Variants in STARD10 observed in about 807,000 individuals in gnomAD.
STARD10 encodes the protein START domain-containing protein 10.
In STARD10, 24 loss-of-function variants were observed where a neutral mutation model predicts 36.0. That is an observed-to-expected ratio of 0.67 (90% CI 0.48 to 0.94). The LOEUF (loss-of-function observed/expected upper bound fraction) is 0.94. Among genes scored for constraint, STARD10 ranks in the 40% least tolerant of loss-of-function variants. The pLI, the probability that STARD10 is intolerant of heterozygous loss-of-function variation, is 0.00. For synonymous variants in STARD10, 156 were observed against 161.9 expected (o/e 0.96, Z 0.28); for missense variants, 335 against 396.6 (o/e 0.84, Z 1.32).
At chr11:72,758,502 C>T (rs772628802) in intron 4 of STARD10, 28 bp downstream of exon 4, 1 of 1,568,674 alleles carries the variant, frequency 6.4e-7, no homozygotes, top group Non-Finnish European at 8.8e-7. Flanking sequence ...CTCCCCTGCT[C>T]CACCGCAGGG....
chr11:72,755,178 C>G (rs1308404411), intron 6 of STARD10, 36 bp from the exon 7 acceptor site: 1 of 1,582,116 alleles, frequency 6.3e-7, no homozygotes, highest in African/African-American at 1.3e-5. Context: ...CAGGGGGTGG[C>G]TAGGGGGCAG....
intron 2 of STARD10, among the ~76,000 whole-genome samples, chr11:72,761,604 G>C (rs999894773): frequency 2.6e-5 from 4 of 152,040 alleles, no homozygotes; most frequent in African/African-American, 9.7e-5. Flanking sequence ...AATTATCTGG[G>C]CGTAGTGGCA....
intron 1 of STARD10, among the ~76,000 whole-genome samples, chr11:72,789,281 A>C (rs1205272860): frequency 6.6e-6 from 1 of 152,174 alleles, no homozygotes; most frequent in Non-Finnish European, 1.5e-5. Flanking sequence ...CACAGCTACT[A>C]TCAGTTCTCA....
In STARD10 at chr11:72,781,435, C is replaced by T. The variant is rs1591270924; in HGVS notation, c.-113-141G>A. 1 of 518,440 alleles carries T rather than the reference C, an allele frequency of 1.9e-6. No individual in the cohort carries two copies. Among genetic ancestry groups the T allele is most frequent in the Non-Finnish European group, 3.5e-6 (1 of 285,548 alleles). The allele number at this position is 518,440 out of a possible 1,614,324, so 32.1% of individuals were successfully genotyped here. A position where few individuals can be genotyped will look rare whatever the true frequency, so the allele number is the denominator to read the frequency against. ...GACGGGCGCTGGACAGCCTCGGGGT[C>T]CCCCTCCCGAGGAGCGCCCCAGACC... On this transcript the variant is annotated intron_variant, in intron 1 of 6. Coordinates refer to ENST00000334805, the MANE Select transcript of STARD10 (RefSeq NM_006645.3). The surrounding 1 kb of genome is among the most constrained non-coding windows in gnomAD (Gnocchi z 4.7).
In STARD10 at chr11:72,758,049, C is replaced by G. The variant is rs564597677; in HGVS notation, c.460-165G>C. 143 of 691,704 alleles carry G rather than the reference C, an allele frequency of 2.1e-4. 2 individuals carry two copies. The highest frequency in any genetic ancestry group is 1.5e-3 in the South Asian group (87 of 59,676). 42.8% of individuals were successfully genotyped at this position (691,704 alleles called of 1,614,324 possible). On this transcript the variant is annotated intron_variant, in intron 4 of 6. Transcript: ENST00000334805. ...TTCTGGGTGCAGAGAAAGGGAAGAACCAGAGTAGGTCATCCTAGCCCCTCT... is the reference window on the plus strand; with the variant it reads ...TTCTGGGTGCAGAGAAAGGGAAGAAGCAGAGTAGGTCATCCTAGCCCCTCT...
At position 72,754,832 on chromosome 11, in the gene STARD10, T is replaced by C. The variant is rs2291290; in HGVS notation, c.*65A>G. ...GTGCCGGGTGGGGGAGGGGAGAAAGTGCAGGAGCGGCCGCCGCCCCAGGGC... is the reference window on the plus strand; with the variant it reads ...GTGCCGGGTGGGGGAGGGGAGAAAGCGCAGGAGCGGCCGCCGCCCCAGGGC... On this transcript the variant is annotated 3_prime_UTR_variant, in exon 7 of 7. Coordinates refer to ENST00000334805, the MANE Select transcript of STARD10 (RefSeq NM_006645.3). 165,943 of 1,549,564 alleles carry C rather than the reference T, an allele frequency of 0.11. 11,665 individuals are homozygous for C. The highest frequency in any genetic ancestry group is 0.34 in the African/African-American group (24,977 of 73,270).
chr11:72,780,826 A>C, intron 2 of STARD10, 149 bp downstream of exon 2: 2 of 820,860 alleles, frequency 2.4e-6, no homozygotes, highest in Middle Eastern at 3.4e-4. Context: ...TTGGCCCAGC[A>C]GACTGTGTCT....
At chr11:72,757,712 A>G in intron 5 of STARD10, 55 bp downstream of exon 5, 1 of 1,522,948 alleles carries the variant, frequency 6.6e-7, no homozygotes, top group South Asian at 1.1e-5. Flanking sequence ...ATCAGGCCCC[A>G]CCCCTGTGGT....
At chr11:72,780,844 G>A in intron 2 of STARD10, 131 bp downstream of exon 2, 1 of 973,180 alleles carries the variant, frequency 1.0e-6, no homozygotes, top group East Asian at 2.6e-5. Flanking sequence ...TCTCCTCCCG[G>A]TCCCTGGAAG....
At chr11:72,758,422 G>C (rs1858674192) in intron 4 of STARD10, 108 bp downstream of exon 4, 1 of 827,646 alleles carries the variant, frequency 1.2e-6, no homozygotes, top group Non-Finnish European at 2.0e-6. Flanking sequence ...CTGAGGGCCA[G>C]TGGGCCCATG....
At chr11:72,769,676 C>T (rs925817469) in intron 2 of STARD10, among the ~76,000 whole-genome samples, 2 of 151,988 alleles carry the variant, frequency 1.3e-5, no homozygotes, top group African/African-American at 4.8e-5. Flanking sequence ...TTCCCAGAAT[C>T]CCAGGACTAC....
intron 1 of STARD10, among the ~76,000 whole-genome samples, chr11:72,791,974 A>G (rs923411796): frequency 6.6e-6 from 1 of 151,192 alleles, no homozygotes; most frequent in Non-Finnish European, 1.5e-5. Context: ...TCCTGGGTTC[A>G]AGCGATTCTT....
intron 2 of STARD10, among the ~76,000 whole-genome samples, chr11:72,767,060 CAG>C (rs1291582548): frequency 2.0e-5 from 3 of 152,206 alleles, no homozygotes; most frequent in Admixed American, 6.5e-5. Flanking sequence ...TGCATTTCAG[CAG>C]ATAGTTTTGT....
intron 5 of STARD10, 46 bp downstream of exon 5, chr11:72,757,721 G>C: frequency 1.3e-6 from 2 of 1,555,868 alleles, no homozygotes; most frequent in Non-Finnish European, 1.8e-6. Context: ...CACCCCTGTG[G>C]TATAGGGAAG....
chr11:72,756,238 A>G (rs559603128), intron 5 of STARD10, among the ~76,000 whole-genome samples: 6 of 152,112 alleles, frequency 3.9e-5, no homozygotes, highest in African/African-American at 7.2e-5. Context: ...TCTCCACCCT[A>G]TCTCATTCCC....
At chr11:72,776,090 TC>T (rs1189595792) in intron 2 of STARD10, among the ~76,000 whole-genome samples, 1 of 151,978 alleles carries the variant, frequency 6.6e-6, no homozygotes, top group Non-Finnish European at 1.5e-5. Flanking sequence ...TTCTTCCAGG[TC>T]CCCCCATGCC....
chr11:72,769,616 T>C (rs1223180564), intron 2 of STARD10, among the ~76,000 whole-genome samples: 2 of 152,076 alleles, frequency 1.3e-5, no homozygotes, highest in Non-Finnish European at 2.9e-5. Flanking sequence ...AGTGCTGGGA[T>C]TGCAGGTGTG....
At chr11:72,791,257 T>G (rs1307775692) in intron 1 of STARD10, among the ~76,000 whole-genome samples, 1 of 152,098 alleles carries the variant, frequency 6.6e-6, no homozygotes, top group Non-Finnish European at 1.5e-5. Flanking sequence ...CTGAGGGCAA[T>G]CCTGGCTTCT....
chr11:72,755,786 A>G, intron 5 of STARD10, 33 bp from the exon 6 acceptor site: 1 of 1,591,622 alleles, frequency 6.3e-7, no homozygotes, highest in Non-Finnish European at 8.6e-7. Context: ...AAGCAGCCTC[A>G]GGGACCCAGC....
Sources: allele counts gnomAD v4.1 joint callset (sites outside exome capture counted in the v4.1 genomes callset), GRCh38; gene constraint gnomAD v4.1.1; non-coding constraint Gnocchi (gnomAD v3.1); transcripts MANE v1.5; gene names NCBI Gene and HGNC (gene_info 2026-07-23, HGNC 2026-07-21).